Variants in MAP2 observed in about 807,000 individuals in gnomAD.
MAP2 encodes microtubule-associated protein 2.
In MAP2, 14 loss-of-function variants were observed where a neutral mutation model predicts 137.6. The observed-to-expected ratio is 0.10, with a 90% CI of 0.07 to 0.16. The LOEUF (loss-of-function observed/expected upper bound fraction) is 0.16, where lower values mean the gene tolerates loss of function less well. Ranked by LOEUF, MAP2 falls within the 10% of genes least tolerant of loss-of-function variation. The pLI is 1.00. For synonymous variants in MAP2, 786 were observed against 782.3 expected (o/e 1.00, Z -0.08); for missense variants, 2,088 against 2,191.5 (o/e 0.95, Z 0.94).
chr2:209,710,579 A>G, intron 13 of MAP2: 1 of 209,472 alleles, frequency 4.8e-6, no homozygotes. Flanking sequence ...CTGATATAAA[A>G]TTGAGTTTTC....
At chr2:209,636,555 C>T (rs919560918) in intron 4 of MAP2, among the ~76,000 whole-genome samples, 6 of 132,142 alleles carry the variant, frequency 4.5e-5, no homozygotes, top group African/African-American at 1.5e-4. Context: ...ATGTTATATA[C>T]GTATATATTA....
intron 1 of MAP2, among the ~76,000 whole-genome samples, chr2:209,480,409 G>A (rs530649512): frequency 2.6e-5 from 4 of 152,244 alleles, no homozygotes; most frequent in South Asian, 4.1e-4. Flanking sequence ...TTTGAATAGT[G>A]TTGAATTTCT....
intron 4 of MAP2, among the ~76,000 whole-genome samples, chr2:209,643,399 G>C (rs2094177588): frequency 6.6e-6 from 1 of 152,072 alleles, no homozygotes; most frequent in Non-Finnish European, 1.5e-5. Flanking sequence ...TCTTCTTAAT[G>C]ATATTTTCAG....
chr2:209,623,518 A>G (rs1372603529), intron 3 of MAP2, among the ~76,000 whole-genome samples: 1 of 152,200 alleles, frequency 6.6e-6, no homozygotes, highest in African/African-American at 2.4e-5. Context: ...GAGAAAATAA[A>G]ACAGATATTC....
chr2:209,714,995 G>A (rs538549041), intron 13 of MAP2, among the ~76,000 whole-genome samples: 17 of 151,906 alleles, frequency 1.1e-4, no homozygotes, highest in African/African-American at 4.1e-4. Flanking sequence ...TTTTTACCAC[G>A]TCAGGATTGA....
intron 2 of MAP2, among the ~76,000 whole-genome samples, chr2:209,547,666 CT>C (rs1158457823): frequency 6.6e-6 from 1 of 152,096 alleles, no homozygotes; most frequent in Non-Finnish European, 1.5e-5. Context: ...CTCTCTGTGC[CT>C]TAGTTCCCTG....
At chr2:209,634,217 ACTTAAATGTT>A (rs1389077790) in intron 4 of MAP2, among the ~76,000 whole-genome samples, 2 of 152,200 alleles carry the variant, frequency 1.3e-5, no homozygotes, top group Non-Finnish European at 2.9e-5. Context: ...GGGGACAGTG[ACTTAAATGTT>A]TCATTTAATC....
chr2:209,450,111 T>A (rs2149474037), intron 1 of MAP2, among the ~76,000 whole-genome samples: 1 of 152,172 alleles, frequency 6.6e-6, no homozygotes, highest in Non-Finnish European at 1.5e-5. Flanking sequence ...CCAGCAAATT[T>A]TTGTATTTTT....
intron 5 of MAP2, among the ~76,000 whole-genome samples, chr2:209,656,729 A>C (rs2095173268): frequency 6.6e-6 from 1 of 151,998 alleles, no homozygotes; most frequent in Non-Finnish European, 1.5e-5. Context: ...CTGTCGTTAT[A>C]ATAAGTCTAA....
intron 5 of MAP2, among the ~76,000 whole-genome samples, chr2:209,676,720 CATATATATATATATATATAT>C (rs56283066): frequency 1.9e-3 from 138 of 71,826 alleles, no homozygotes; most frequent in African/African-American, 7.5e-3. Context: ...ACACAAAGGT[CATATATATATATATATATAT>C]ATATATATAT....
chr2:209,616,190 CT>C (rs72051223), intron 3 of MAP2, among the ~76,000 whole-genome samples: 9,056 of 152,238 alleles, frequency 0.059, 622 homozygotes, highest in South Asian at 0.23. Context: ...AGCTTGTGGC[CT>C]TGGCACACAC....
chr2:209,719,400 T>A (rs2069178543), intron 13 of MAP2, among the ~76,000 whole-genome samples: 1 of 152,198 alleles, frequency 6.6e-6, no homozygotes, highest in African/African-American at 2.4e-5. Flanking sequence ...CAAAATCTCA[T>A]TGCTCAAGAA....
chr2:209,715,572 T>C (rs1440122100), intron 13 of MAP2, among the ~76,000 whole-genome samples: 2 of 152,042 alleles, frequency 1.3e-5, no homozygotes, highest in African/African-American at 4.8e-5. Flanking sequence ...AAAATAAAGA[T>C]AAGAAAGAGG....
intron 7 of MAP2, among the ~76,000 whole-genome samples, chr2:209,681,865 C>T (rs1222910244): frequency 6.6e-6 from 1 of 151,938 alleles, no homozygotes; most frequent in Non-Finnish European, 1.5e-5. Context: ...ATATTATCAC[C>T]TCTAATATAA....
At chr2:209,528,899 T>C (rs2064627003) in intron 2 of MAP2, among the ~76,000 whole-genome samples, 1 of 149,370 alleles carries the variant, frequency 6.7e-6, no homozygotes, top group South Asian at 2.1e-4. Flanking sequence ...TATACATATA[T>C]ATACACACAT....
At chr2:209,501,223 C>T (rs1232332411) in intron 1 of MAP2, among the ~76,000 whole-genome samples, 2 of 152,086 alleles carry the variant, frequency 1.3e-5, no homozygotes, top group Admixed American at 6.6e-5. Context: ...TTTGAAAACT[C>T]AAGTGTAACT....
At chr2:209,687,472 GCTTTTGGTT>G (rs2057390683) in intron 7 of MAP2, among the ~76,000 whole-genome samples, 1 of 152,028 alleles carries the variant, frequency 6.6e-6, no homozygotes, top group African/African-American at 2.4e-5. Context: ...GGCTGTCAAT[GCTTTTGGTT>G]CACTTAGATC....
chr2:209,700,786 G>A (rs2061554825), intron 11 of MAP2, among the ~76,000 whole-genome samples: 1 of 152,024 alleles, frequency 6.6e-6, no homozygotes, highest in Non-Finnish European at 1.5e-5. Context: ...TTATCATAAA[G>A]ATAAACACAG....
At chr2:209,524,955 A>G (rs993463362) in intron 2 of MAP2, among the ~76,000 whole-genome samples, 3 of 152,074 alleles carry the variant, frequency 2.0e-5, no homozygotes, top group African/African-American at 7.2e-5. Context: ...CCTGGTTTCA[A>G]TTTTTGTCTC....
Sources: gnomAD v4.1 joint callset for allele counts (sites outside exome capture counted in the v4.1 genomes callset) on GRCh38, gnomAD v4.1.1 for gene constraint, MANE v1.5 for transcripts, NCBI Gene and HGNC (gene_info 2026-07-23, HGNC 2026-07-21) for gene names.